Variants in CDH20 observed in about 807,000 individuals in gnomAD.
CDH20 encodes the protein cadherin-20.
Under a neutral mutation model 74.2 loss-of-function variants are expected in CDH20, and 29 were observed. The observed-to-expected ratio is 0.39, with a 90% CI of 0.29 to 0.53. The LOEUF (loss-of-function observed/expected upper bound fraction) is 0.53. CDH20 is among the 20% of genes least tolerant of loss of function. The pLI is 0.69. For synonymous variants in CDH20, 469 were observed against 405.4 expected (o/e 1.16, Z -1.88); for missense variants, 988 against 1,048.3 (o/e 0.94, Z 0.79).
At chr18:61,398,084 A>G (rs545679191) in intron 1 of CDH20, among the ~76,000 whole-genome samples, 1 of 152,346 alleles carries the variant, frequency 6.6e-6, no homozygotes, top group African/African-American at 2.4e-5. Context: ...CAAGGGCAGC[A>G]TAACTTATGG....
At chr18:61,509,021 C>T (rs1298896972) in intron 6 of CDH20, among the ~76,000 whole-genome samples, 1 of 152,118 alleles carries the variant, frequency 6.6e-6, no homozygotes, top group Non-Finnish European at 1.5e-5. Flanking sequence ...AGGAGCTAAG[C>T]TTTGAGGGCG....
At chr18:61,449,291 A>G (rs529553106) in intron 1 of CDH20, among the ~76,000 whole-genome samples, 2 of 152,168 alleles carry the variant, frequency 1.3e-5, no homozygotes, top group Non-Finnish European at 2.9e-5. Flanking sequence ...AAGGAGATAA[A>G]TTTATTCTGT....
At chr18:61,387,791 CA>C (rs1911651346) in intron 1 of CDH20, among the ~76,000 whole-genome samples, 1 of 152,118 alleles carries the variant, frequency 6.6e-6, no homozygotes, top group Non-Finnish European at 1.5e-5. Context: ...AATGTCTACC[CA>C]ATTAAACTCA....
chr18:61,357,786 AAGGAG>A (rs1215155681), intron 1 of CDH20, among the ~76,000 whole-genome samples: 1 of 152,154 alleles, frequency 6.6e-6, no homozygotes, highest in East Asian at 1.9e-4. Flanking sequence ...AATTTTGGGT[AAGGAG>A]AGGAGACTGA....
chr18:61,450,054 A>G (rs73449408), intron 1 of CDH20, among the ~76,000 whole-genome samples: 1,759 of 152,186 alleles, frequency 0.012, 35 homozygotes, highest in African/African-American at 0.04. Context: ...TTTGAGGCAT[A>G]TTTTAGTAGC....
At chr18:61,503,146 A>G (rs1599131006) in intron 5 of CDH20, 26 bp downstream of exon 5, 1 of 1,550,020 alleles carries the variant, frequency 6.5e-7, no homozygotes, top group Non-Finnish European at 8.7e-7. Flanking sequence ...AAGAGAGCAC[A>G]GACCTCGGGC....
At chr18:61,529,898 G>T (rs369189626) in intron 7 of CDH20, among the ~76,000 whole-genome samples, 14 of 152,284 alleles carry the variant, frequency 9.2e-5, no homozygotes, top group South Asian at 8.3e-4. Flanking sequence ...GTTAGCATCA[G>T]GGAGGTTCAT....
At chr18:61,375,937 A>T (rs1911212442) in intron 1 of CDH20, among the ~76,000 whole-genome samples, 1 of 152,138 alleles carries the variant, frequency 6.6e-6, no homozygotes, top group Non-Finnish European at 1.5e-5. Context: ...TATAGACTTA[A>T]TTATTTAAGT....
At chr18:61,419,149 G>A (rs754920697) in intron 1 of CDH20, among the ~76,000 whole-genome samples, 1 of 151,978 alleles carries the variant, frequency 6.6e-6, no homozygotes, top group Non-Finnish European at 1.5e-5. Context: ...CTGTACTCTG[G>A]AACACCTGAG....
intron 2 of CDH20, among the ~76,000 whole-genome samples, chr18:61,491,703 A>G (rs1001590756): frequency 6.6e-6 from 1 of 152,024 alleles, no homozygotes; most frequent in African/African-American, 2.4e-5. Flanking sequence ...CTCACTTCTT[A>G]ACCCAGGTAT....
intron 1 of CDH20, among the ~76,000 whole-genome samples, chr18:61,428,041 G>A (rs1913131471): frequency 6.6e-6 from 1 of 152,110 alleles, no homozygotes; most frequent in African/African-American, 2.4e-5. Context: ...TAGATGGGAG[G>A]ATAAAAATAC....
At chr18:61,413,858 CA>C (rs1912595518) in intron 1 of CDH20, among the ~76,000 whole-genome samples, 1 of 152,114 alleles carries the variant, frequency 6.6e-6, no homozygotes, top group African/African-American at 2.4e-5. Context: ...AGGGAACATA[CA>C]GAACACTTTT....
At chr18:61,469,814 TACACATACATAC>T (rs1479083691) in intron 1 of CDH20, among the ~76,000 whole-genome samples, 1 of 152,176 alleles carries the variant, frequency 6.6e-6, no homozygotes. Flanking sequence ...TAGTTACACA[TACACATACATAC>T]ACACATGCTT....
At chr18:61,435,153 G>A (rs896217187) in intron 1 of CDH20, among the ~76,000 whole-genome samples, 8 of 151,930 alleles carry the variant, frequency 5.3e-5, no homozygotes, top group African/African-American at 1.9e-4. Context: ...AAAATTTCAG[G>A]GGAAAAAGAG....
intron 1 of CDH20, among the ~76,000 whole-genome samples, chr18:61,415,842 TA>T (rs959218794): frequency 2.6e-5 from 4 of 151,972 alleles, no homozygotes; most frequent in Non-Finnish European, 5.9e-5. Context: ...ATACTATTCT[TA>T]AAAAAAATGA....
intron 1 of CDH20, among the ~76,000 whole-genome samples, chr18:61,462,623 AT>A (rs1186259087): frequency 3.3e-5 from 5 of 150,972 alleles, no homozygotes; most frequent in African/African-American, 7.3e-5. Flanking sequence ...AATTGAAATA[AT>A]TTTTTTTCAC....
At chr18:61,542,324 C>T (rs765591409) in intron 9 of CDH20, among the ~76,000 whole-genome samples, 15 of 152,132 alleles carry the variant, frequency 9.9e-5, no homozygotes, top group Non-Finnish European at 1.9e-4. Context: ...GAACTCCATT[C>T]CCCCTACTTT....
chr18:61,399,730 C>A (rs1246917349), intron 1 of CDH20, among the ~76,000 whole-genome samples: 1 of 152,170 alleles, frequency 6.6e-6, no homozygotes, highest in African/African-American at 2.4e-5. Context: ...CAGGGATCAA[C>A]TTATGATCAT....
intron 6 of CDH20, among the ~76,000 whole-genome samples, chr18:61,527,473 T>C (rs1026315035): frequency 5.9e-5 from 9 of 152,074 alleles, no homozygotes; most frequent in African/African-American, 2.2e-4. Context: ...TGCTCTTAAT[T>C]GTTGTGAAGT....
Sources: gnomAD v4.1 joint callset for allele counts (sites outside exome capture counted in the v4.1 genomes callset) on GRCh38, gnomAD v4.1.1 for gene constraint, MANE v1.5 for transcripts, NCBI Gene and HGNC (gene_info 2026-07-23, HGNC 2026-07-21) for gene names.